Variants in TTC17 observed in about 807,000 individuals in gnomAD.
The protein encoded by TTC17 is tetratricopeptide repeat domain 17.
In TTC17, 58 loss-of-function variants were observed where a neutral mutation model predicts 143.8. That is an observed-to-expected ratio of 0.40 (90% CI 0.33 to 0.50). TTC17 has a LOEUF of 0.50. TTC17 is among the 20% of genes least tolerant of loss of function. TTC17 has a pLI of 0.49. For synonymous variants in TTC17, 501 were observed against 497.8 expected (o/e 1.01, Z -0.09); for missense variants, 1,273 against 1,392.5 (o/e 0.91, Z 1.37).
In TTC17 at chr11:43,450,160, G is replaced by A. The variant is rs367555445; in HGVS notation, c.2865G>A (p.Thr955=). 1.1e-5 allele frequency: 17 copies of A among 1,614,002 alleles called. No homozygotes were observed. Among genetic ancestry groups the A allele is most frequent in the African/African-American group, 1.3e-5 (1 of 74,890 alleles). The change falls in exon 20 of 24, where the codon ACG becomes ACA. Residue 955 remains threonine (T), a synonymous_variant. Transcript: ENST00000039989. ...MEPLCNGNLP[T]SMHTLDHLHG... is the part of the protein sequence containing the mutation. ...CTCTTTGCAATGGCAATCTCCCCACGAGTATGCATACCCTGGACCACTTGC... is the reference window on the plus strand; with the variant it reads ...CTCTTTGCAATGGCAATCTCCCCACAAGTATGCATACCCTGGACCACTTGC...
intron 1 of TTC17, among the ~76,000 whole-genome samples, chr11:43,371,753 A>G (rs1026669529): frequency 6.6e-6 from 1 of 152,208 alleles, no homozygotes; most frequent in African/African-American, 2.4e-5. Flanking sequence ...AGGAGCTGCC[A>G]GCCATCAGTC....
chr11:43,441,772 T>C (rs1947427094), intron 16 of TTC17, among the ~76,000 whole-genome samples: 1 of 152,228 alleles, frequency 6.6e-6, no homozygotes, highest in Admixed American at 6.5e-5. Flanking sequence ...CTCTCTTCAT[T>C]TGAATATCAG....
chr11:43,379,606 A>C (rs1032771620), intron 2 of TTC17, among the ~76,000 whole-genome samples: 5 of 152,152 alleles, frequency 3.3e-5, no homozygotes, highest in African/African-American at 1.2e-4. Flanking sequence ...TGTGTTTTTA[A>C]GTTTTTTCCA....
chr11:43,432,987 G>A (rs1947194035), intron 16 of TTC17, among the ~76,000 whole-genome samples: 1 of 136,758 alleles, frequency 7.3e-6, no homozygotes, highest in African/African-American at 3.6e-5. Flanking sequence ...TTGGTTTTTT[G>A]GGTGTTTTGT....
In TTC17 at chr11:43,407,322, G is replaced by A. The variant is rs778807478; in HGVS notation, c.1840-31G>A. On this transcript the variant is annotated intron_variant, in intron 14 of 23. Transcript: ENST00000039989. The stretch of plus-strand genomic sequence containing the variant: ...TATTTAGAACAAGTACTGTATTCTT[G>A]TACTAACTGAAGTATTTTTGGATTT... 3.7e-6 allele frequency: 6 copies of A among 1,604,244 alleles called. No individual in the cohort carries two copies. The Admixed American group carries it at 1.0e-4, about 27-fold the overall frequency.
At chr11:43,408,665 T>G (rs754183125) in intron 15 of TTC17, among the ~76,000 whole-genome samples, 8 of 152,198 alleles carry the variant, frequency 5.3e-5, no homozygotes, top group Non-Finnish European at 1.2e-4. Flanking sequence ...TACTAAAATT[T>G]TAGTTGTTAA....
chr11:43,451,970 T>C (rs919228213), intron 21 of TTC17, among the ~76,000 whole-genome samples: 1 of 152,120 alleles, frequency 6.6e-6, no homozygotes, highest in Non-Finnish European at 1.5e-5. Flanking sequence ...ACTCCAGTTA[T>C]AATGAAACTA....
In TTC17 at chr11:43,414,718, G is replaced by T. The variant is rs1410243146; in HGVS notation, c.2193G>T (p.Leu731Phe). ...CAGAGTGTGAAAACAGCCTGAAGTT[G>T]ATCCGCTGTATGCAGTTTTATCCTT... is the stretch of plus-strand genomic sequence containing the variant. ...KCPECENSLK[L>F]IRCMQFYPFL... is the part of the protein sequence containing the mutation. The change falls in exon 16 of 24, where the codon TTG (leucine) becomes TTT (phenylalanine). Residue 731 changes from leucine (L) to phenylalanine (F), a missense_variant. Transcript: ENST00000039989. 2 of 1,613,760 alleles carry T rather than the reference G, an allele frequency of 1.2e-6. No individual in the cohort carries two copies. Among genetic ancestry groups the T allele is most frequent in the Admixed American group, 3.3e-5 (2 of 59,962 alleles).
At chr11:43,391,324 A>C in intron 3 of TTC17, 141 bp from the exon 4 acceptor site, 1 of 589,844 alleles carries the variant, frequency 1.7e-6, no homozygotes, top group Non-Finnish European at 3.0e-6. Context: ...GCTTGAGACT[A>C]GGAGATCAAG....
At chr11:43,415,654 GAC>G (rs1303960710) in intron 16 of TTC17, among the ~76,000 whole-genome samples, 2 of 152,158 alleles carry the variant, frequency 1.3e-5, no homozygotes, top group Non-Finnish European at 2.9e-5. Context: ...TTGTGTAAAA[GAC>G]ATGAATAATT....
At chr11:43,416,547 T>A (rs1040047767) in intron 16 of TTC17, among the ~76,000 whole-genome samples, 1 of 152,132 alleles carries the variant, frequency 6.6e-6, no homozygotes, top group Non-Finnish European at 1.5e-5. Context: ...CCTCAACTGG[T>A]CCAGGAAACT....
chr11:43,360,466 C>T (rs1243938220), intron 1 of TTC17, among the ~76,000 whole-genome samples: 1 of 152,160 alleles, frequency 6.6e-6, no homozygotes, highest in Non-Finnish European at 1.5e-5. Flanking sequence ...TAGTGGTTTT[C>T]CCTGAGGTCT....
chr11:43,370,138 C>T (rs946265147), intron 1 of TTC17: 4 of 453,314 alleles, frequency 8.8e-6, no homozygotes, highest in Middle Eastern at 3.2e-4. Flanking sequence ...GCTATTTTTG[C>T]GAACCTGTAC....
At chr11:43,365,244 G>T (rs543060702) in intron 1 of TTC17, among the ~76,000 whole-genome samples, 1 of 152,122 alleles carries the variant, frequency 6.6e-6, no homozygotes, top group East Asian at 1.9e-4. Flanking sequence ...GGAACTACAA[G>T]TGCATACCAC....
chr11:43,490,351 A>G lies in TTC17; in HGVS notation c.3143A>G (p.Gln1048Arg), dbSNP rs749193993. 24 of 1,600,698 alleles carry G rather than the reference A, an allele frequency of 1.5e-5. No homozygotes were observed. The highest frequency in any genetic ancestry group is 5.1e-5 in the Admixed American group (3 of 59,170). Residue 1048 changes from glutamine (Q) to arginine (R), a missense_variant, in exon 22 of 24, where the codon CAG (glutamine) becomes CGG (arginine). Physicochemically the swap from Gln to Arg is conservative, Grantham distance 43. This residue lies in a region of TTC17 where 878 missense variants were observed against 899.8 expected (regional missense o/e 0.98). Coordinates refer to ENST00000039989, the MANE Select transcript of TTC17 (RefSeq NM_018259.6). The part of the protein sequence containing the change: ...LRQALHYAPH[Q>R]MKDVPLISLA... ...CAGGCTCTGCACTATGCGCCACACC[A>G]GATGAAGGTGAGTGGGACTCAGAAG... is the stretch of plus-strand genomic sequence containing the variant.
intron 16 of TTC17, among the ~76,000 whole-genome samples, chr11:43,429,196 A>G (rs1590404122): frequency 6.6e-6 from 1 of 152,218 alleles, no homozygotes; most frequent in South Asian, 2.1e-4. Flanking sequence ...GACGTTTCCC[A>G]AGAATCCTCT....
At chr11:43,486,080 A>G (rs1948375460) in intron 21 of TTC17, among the ~76,000 whole-genome samples, 1 of 152,094 alleles carries the variant, frequency 6.6e-6, no homozygotes, top group Admixed American at 6.5e-5. Context: ...GAATAAACAC[A>G]ACATGAATGA....
intron 16 of TTC17, among the ~76,000 whole-genome samples, chr11:43,443,104 G>C (rs1021960741): frequency 2.6e-5 from 4 of 152,150 alleles, no homozygotes; most frequent in African/African-American, 9.7e-5. Flanking sequence ...CTGCTCTCTA[G>C]CTGCCACTGT....
intron 16 of TTC17, among the ~76,000 whole-genome samples, chr11:43,424,347 G>A (rs940552711): frequency 1.3e-5 from 2 of 151,626 alleles, no homozygotes; most frequent in Admixed American, 6.6e-5. Context: ...ACCTGCCTCA[G>A]CCTTCCAAAG....
Sources: allele counts gnomAD v4.1 joint callset (sites outside exome capture counted in the v4.1 genomes callset), GRCh38; gene constraint gnomAD v4.1.1; regional missense constraint gnomAD v4.1.1; transcripts MANE v1.5; gene names NCBI Gene and HGNC (gene_info 2026-07-23, HGNC 2026-07-21).